PIEZO2: variants seen among roughly 807,000 people sequenced by gnomAD.
PIEZO2 encodes the protein piezo-type mechanosensitive ion channel component 2.
In PIEZO2, 172 loss-of-function variants were observed where a neutral mutation model predicts 337.3. That is an observed-to-expected ratio of 0.51 (90% CI 0.45 to 0.58). The LOEUF (loss-of-function observed/expected upper bound fraction) is 0.58. Ranked by LOEUF, PIEZO2 falls within the 20% of genes least tolerant of loss-of-function variation. PIEZO2 has a pLI of 0.00. For synonymous variants in PIEZO2, 1,251 were observed against 1,228.5 expected (o/e 1.02, Z -0.38); for missense variants, 3,028 against 3,391.3 (o/e 0.89, Z 2.66).
At position 10,894,529 on chromosome 18, in the gene PIEZO2, T is replaced by G. The variant is rs1004658888; in HGVS notation, c.329+16657A>C. On this transcript the variant is annotated intron_variant, in intron 4 of 55. Transcript: ENST00000674853. The surrounding 1 kb of genome is among the most constrained non-coding windows in gnomAD (Gnocchi z 4.1). ...TTTCGCAGGTAAAGGGAAGCACGCC[T>G]CAAGTGATCATGCAAACAACTCCAG... 4.6e-5 allele frequency: 7 copies of G among 152,168 alleles called. No homozygotes were observed. The highest frequency in any genetic ancestry group is 2.6e-4 in the Admixed American group (4 of 15,262). 9.4% of individuals were successfully genotyped at this position (152,168 alleles called of 1,614,324 possible).
intron 39 of PIEZO2, chr18:10,709,597 T>C (rs914562677): frequency 6.6e-6 from 1 of 152,324 alleles, no homozygotes; most frequent in African/African-American, 2.4e-5. Context: ...CCATACACTG[T>C]TGGCCAAGGA....
chr18:10,712,411 GTT>G (rs2035857036), intron 39 of PIEZO2, among the ~76,000 whole-genome samples: 1 of 152,170 alleles, frequency 6.6e-6, no homozygotes, highest in African/African-American at 2.4e-5. Flanking sequence ...GAATGATTCA[GTT>G]TAAATACAAT....
rs1002147127 is a variant in PIEZO2, at chr18:10,873,098, C to T, written c.330-1683G>A. Among the ~76,000 whole-genome samples the T allele has an allele frequency of 3.9e-5, 6 of 152,118 alleles. No homozygotes were observed. In the East Asian group the frequency reaches 5.8e-4, roughly 15 times the overall value. On this transcript the variant is annotated intron_variant, in intron 4 of 55. Transcript: ENST00000674853. ...ACTTTAAGTGATTACACACTGTATTCGTTTACATTATATATTATATATTTT... is the reference window on the plus strand; with the variant it reads ...ACTTTAAGTGATTACACACTGTATTTGTTTACATTATATATTATATATTTT...
chr18:10,782,321 T>TATATA (rs1568050873), intron 17 of PIEZO2, among the ~76,000 whole-genome samples: 15 of 94,724 alleles, frequency 1.6e-4, no homozygotes, highest in South Asian at 9.0e-4. Context: ...ATATAATATA[T>TATATA]TATAATTATA....
intron 4 of PIEZO2, among the ~76,000 whole-genome samples, chr18:10,910,594 AAAAAAAAGAAAG>A (rs1168979785): frequency 6.6e-6 from 1 of 151,934 alleles, no homozygotes; most frequent in Non-Finnish European, 1.5e-5. Context: ...ACAAAATTTA[AAAAAAAAGAAAG>A]AAAAAAAGAA....
chr18:10,748,053 A>C lies in PIEZO2; in HGVS notation c.4424+418T>G, dbSNP rs7240150. Among the ~76,000 whole-genome samples, 1,366 of 152,238 alleles carry C rather than the reference A, an allele frequency of 9.0e-3. 22 individuals are homozygous for C. The highest frequency in any genetic ancestry group is 0.03 in the African/African-American group (1,231 of 41,530). Reference sequence around the variant, plus strand: ...AGAAGAATGGAGCCTAGGGGAAAAAACAGGTAGTAATGCAAATTGTGTCAG... The same window carrying C: ...AGAAGAATGGAGCCTAGGGGAAAAACCAGGTAGTAATGCAAATTGTGTCAG... On this transcript the variant is annotated intron_variant, in intron 30 of 55. Coordinates refer to ENST00000674853, the MANE Select transcript of PIEZO2 (RefSeq NM_001378183.1). The surrounding 1 kb of genome is among the most constrained non-coding windows in gnomAD (Gnocchi z 5.1).
intron 1 of PIEZO2, among the ~76,000 whole-genome samples, chr18:11,086,702 C>T (rs1224168309): frequency 6.6e-6 from 1 of 151,828 alleles, no homozygotes. Context: ...TAATGGATCC[C>T]TGCTGCTCCA....
chr18:11,141,872 C>T (rs892199452), intron 1 of PIEZO2, among the ~76,000 whole-genome samples: 9 of 152,060 alleles, frequency 5.9e-5, no homozygotes, highest in Non-Finnish European at 1.3e-4. Flanking sequence ...CAGAAGCTTC[C>T]CCCTCCAGGT....
chr18:11,053,623 C>T (rs2037608288), intron 2 of PIEZO2, among the ~76,000 whole-genome samples: 1 of 152,188 alleles, frequency 6.6e-6, no homozygotes, highest in South Asian at 2.1e-4. Context: ...GGCCTTTTTC[C>T]ATATTGCATC....
rs1485160132 is a variant in PIEZO2 at position 11,078,336 on chromosome 18, C to A, written c.65-12114G>T. ...AGACTTTAGAATATTCTATATTATT[C>A]TTGGCAGCATCCGCCTTGGACTGAG... On this transcript the variant is annotated intron_variant, in intron 1 of 55. Transcript: ENST00000674853. The surrounding 1 kb of genome is among the most constrained non-coding windows in gnomAD (Gnocchi z 5.3). Among the ~76,000 whole-genome samples the A allele has an allele frequency of 1.3e-5, 2 of 152,108 alleles. No individual in the cohort carries two copies. The highest frequency in any genetic ancestry group is 2.9e-5 in the Non-Finnish European group (2 of 68,020).
chr18:10,687,594 T>C (rs558092732), intron 49 of PIEZO2, among the ~76,000 whole-genome samples: 1 of 152,186 alleles, frequency 6.6e-6, no homozygotes, highest in Admixed American at 6.5e-5. Flanking sequence ...GCCAACCCTA[T>C]CATTTACTCC....
chr18:11,052,130 G>C (rs1363446701), intron 2 of PIEZO2, among the ~76,000 whole-genome samples: 1 of 151,860 alleles, frequency 6.6e-6, no homozygotes, highest in East Asian at 1.9e-4. Context: ...GCAATCAATG[G>C]TTTTTCTATT....
At chr18:11,015,499 T>A (rs1025950669) in intron 2 of PIEZO2, among the ~76,000 whole-genome samples, 1 of 152,230 alleles carries the variant, frequency 6.6e-6, no homozygotes, top group African/African-American at 2.4e-5. Flanking sequence ...TTTTGCCCTA[T>A]AAAATAATAT....
intron 7 of PIEZO2, among the ~76,000 whole-genome samples, chr18:10,827,994 C>A (rs768747312): frequency 3.6e-4 from 55 of 152,262 alleles, no homozygotes; most frequent in Middle Eastern, 6.8e-3. Context: ...ACAAAAGTCA[C>A]CCCCAGGTCA....
At position 10,724,622 on chromosome 18, in the gene PIEZO2, T is replaced by A; in HGVS notation, c.5030-6363A>T. Reference sequence around the variant, plus strand: ...GGATGTGACCCCCAAGACAGAATGGTGCTGGACTCGGGGTCTCAGGCGTAT... The same window carrying A: ...GGATGTGACCCCCAAGACAGAATGGAGCTGGACTCGGGGTCTCAGGCGTAT... On this transcript the variant is annotated intron_variant, in intron 36 of 55. Coordinates refer to ENST00000674853, the MANE Select transcript of PIEZO2 (RefSeq NM_001378183.1). This position sits in a 1 kb window ranked among gnomAD's most constrained non-coding sequence, Gnocchi z 5.8. The A allele has an allele frequency of 1.5e-6, 1 of 673,588 alleles. No individual in the cohort carries two copies. Among genetic ancestry groups the A allele is most frequent in the Non-Finnish European group, 2.6e-6 (1 of 380,480 alleles). The allele number at this position is 673,588 out of a possible 1,614,324, so 41.7% of individuals were successfully genotyped here. A position where few individuals can be genotyped will look rare whatever the true frequency, so the allele number is the denominator to read the frequency against.
intron 1 of PIEZO2, among the ~76,000 whole-genome samples, chr18:11,115,908 T>C (rs1326560312): frequency 6.6e-6 from 1 of 152,198 alleles, no homozygotes; most frequent in Non-Finnish European, 1.5e-5. Context: ...GCTTTCTTCC[T>C]TTAAATGATA....
In PIEZO2 at chr18:10,980,181, G is replaced by GA. The variant is rs2034612603; in HGVS notation, c.161-522dup. On this transcript the variant is annotated intron_variant, in intron 2 of 55. Coordinates refer to ENST00000674853, the MANE Select transcript of PIEZO2 (RefSeq NM_001378183.1). This position sits in a 1 kb window ranked among gnomAD's most constrained non-coding sequence, Gnocchi z 4.8. ...TGTGTTAACCAACTGAAATAGCATA[G>GA]AAAAAATATAATACATAGGTTAAGG... is the stretch of plus-strand genomic sequence containing the variant. Among the ~76,000 whole-genome samples, 1 of 151,738 alleles carries GA rather than the reference G, an allele frequency of 6.6e-6. No homozygotes were observed. Among genetic ancestry groups the GA allele is most frequent in the African/African-American group, 2.4e-5 (1 of 41,324 alleles).
At chr18:10,844,917 A>G (rs890631829) in intron 7 of PIEZO2, among the ~76,000 whole-genome samples, 1 of 152,158 alleles carries the variant, frequency 6.6e-6, no homozygotes, top group African/African-American at 2.4e-5. Context: ...TAGTCAGGTC[A>G]CAAGCACCTA....
rs149526000 is a variant in PIEZO2, at chr18:11,127,619, C to T, written c.64+20906G>A. ...ACTCAGACTGGCTCTCCTTGCTCCT[C>T]AGCTTGCAGAAAGCCTATTGTGGGA... On this transcript the variant is annotated intron_variant, in intron 1 of 55. Transcript: ENST00000674853. The surrounding 1 kb of genome is among the most constrained non-coding windows in gnomAD (Gnocchi z 4.5). Among the ~76,000 whole-genome samples, 3 of 152,146 alleles carry T rather than the reference C, an allele frequency of 2.0e-5. No individual in the cohort carries two copies. Among genetic ancestry groups the T allele is most frequent in the African/African-American group, 7.2e-5 (3 of 41,500 alleles).
Sources: allele counts gnomAD v4.1 joint callset (sites outside exome capture counted in the v4.1 genomes callset), GRCh38; gene constraint gnomAD v4.1.1; non-coding constraint Gnocchi (gnomAD v3.1); transcripts MANE v1.5; gene names NCBI Gene and HGNC (gene_info 2026-07-23, HGNC 2026-07-21).